CAMTA1: variants seen among roughly 807,000 people sequenced by gnomAD.
CAMTA1 encodes the protein calmodulin binding transcription activator 1, also known as calmodulin-binding transcription activator 1.
A neutral mutation model predicts 170.9 loss-of-function variants in CAMTA1; 27 were observed. The observed-to-expected ratio is 0.16, with a 90% confidence interval of 0.12 to 0.22. The LOEUF (loss-of-function observed/expected upper bound fraction) is 0.22, where lower values mean the gene tolerates loss of function less well. Ranked by LOEUF, CAMTA1 falls within the 10% of genes least tolerant of loss-of-function variation. CAMTA1 has a pLI of 1.00. For synonymous variants in CAMTA1, 833 were observed against 891.5 expected, an observed-to-expected ratio of 0.93 and a Z score of 1.17; for missense variants, 1,619 against 2,217.2, an observed-to-expected ratio of 0.73 and a Z score of 5.42.
At chr1:7,517,329 A>G (rs2094300075) in intron 6 of CAMTA1, among the ~76,000 whole-genome samples, 1 of 152,142 alleles carries the variant, frequency 6.6e-6, no homozygotes, top group East Asian at 1.9e-4. Flanking sequence ...GTCACAGGGG[A>G]ACCTCACAGG....
At chr1:7,478,321 A>G (rs1319836299) in intron 6 of CAMTA1, among the ~76,000 whole-genome samples, 1 of 152,166 alleles carries the variant, frequency 6.6e-6, no homozygotes, top group Admixed American at 6.5e-5. Flanking sequence ...CTCAGGCGGG[A>G]ATCTGGTGTC....
chr1:7,663,824 A>G lies in CAMTA1; in HGVS notation c.1277A>G (p.Asp426Gly), dbSNP rs774923440. ...AGPNHHLLSP[D>G]ASQGLVLAVS... The stretch of plus-strand genomic sequence containing the variant: ...CCCAACCACCACCTCCTCTCACCTG[A>G]CGCCTCTCAGGGCCTCGTCCTGGCC... Residue 426 changes from aspartate to glycine, a missense_variant, in exon 9 of 23, where the codon GAC becomes GGC. This residue lies in a region of CAMTA1 where 731 missense variants were observed against 907.6 expected (regional missense o/e 0.81). Transcript: ENST00000303635. The G allele has an allele frequency of 1.9e-6, 3 of 1,613,848 alleles. No individual in the cohort carries two copies. In the Admixed American group the frequency reaches 5.0e-5, roughly 27 times the overall value.
chr1:7,359,013 G>T (rs1329129235), intron 5 of CAMTA1, among the ~76,000 whole-genome samples: 1 of 152,174 alleles, frequency 6.6e-6, no homozygotes, highest in East Asian at 1.9e-4. Flanking sequence ...CACACTGGGA[G>T]GTAGGAGCCT....
intron 18 of CAMTA1, among the ~76,000 whole-genome samples, chr1:7,746,621 AGAACAAT>A (rs1424358963): frequency 2.6e-5 from 4 of 152,314 alleles, no homozygotes; most frequent in African/African-American, 9.6e-5. Context: ...TTTCCGGCAC[AGAACAAT>A]GCTGATTTTT....
chr1:7,072,621 A>G (rs930763081), intron 3 of CAMTA1, among the ~76,000 whole-genome samples: 8 of 152,210 alleles, frequency 5.3e-5, no homozygotes, highest in Non-Finnish European at 1.0e-4. Flanking sequence ...CTGTGGAGAA[A>G]AAAGAAAGTG....
intron 4 of CAMTA1, among the ~76,000 whole-genome samples, chr1:7,134,172 TA>T (rs1322624592): frequency 6.6e-6 from 1 of 152,270 alleles, no homozygotes; most frequent in Admixed American, 6.5e-5. Context: ...GTTCCTGCAT[TA>T]ATTCACATAG....
chr1:7,676,751 C>T (rs59179244), intron 10 of CAMTA1, among the ~76,000 whole-genome samples: 2,025 of 152,352 alleles, frequency 0.013, 34 homozygotes, highest in African/African-American at 0.045. Flanking sequence ...TGCACACCCA[C>T]CATTGCCCAC....
At chr1:6,993,168 T>C (rs1696662613) in intron 3 of CAMTA1, among the ~76,000 whole-genome samples, 1 of 152,214 alleles carries the variant, frequency 6.6e-6, no homozygotes, top group Non-Finnish European at 1.5e-5. Flanking sequence ...CCAACTTTAC[T>C]TTTTCAAAAT....
chr1:7,401,528 A>G (rs1473075006), intron 5 of CAMTA1, among the ~76,000 whole-genome samples: 1 of 152,214 alleles, frequency 6.6e-6, no homozygotes, highest in Non-Finnish European at 1.5e-5. Flanking sequence ...TTCTAAAAAA[A>G]AAAATCCTTC....
intron 6 of CAMTA1, among the ~76,000 whole-genome samples, chr1:7,524,689 C>G (rs1200038329): frequency 1.3e-5 from 2 of 152,254 alleles, no homozygotes; most frequent in East Asian, 3.9e-4. Context: ...ATTTGTTAAA[C>G]TTTGCTGCCC....
At chr1:7,127,724 A>G in intron 4 of CAMTA1, among the ~76,000 whole-genome samples, 1 of 152,272 alleles carries the variant, frequency 6.6e-6, no homozygotes, top group Non-Finnish European at 1.5e-5. Context: ...ATTAATTCCA[A>G]GTGTGATAGA....
intron 10 of CAMTA1, among the ~76,000 whole-genome samples, chr1:7,672,619 A>G (rs1208642043): frequency 6.6e-6 from 1 of 151,908 alleles, no homozygotes; most frequent in Non-Finnish European, 1.5e-5. Context: ...ATGGAGTTTC[A>G]CCATGTTGGC....
chr1:7,615,363 A>G (rs896841451), intron 6 of CAMTA1, among the ~76,000 whole-genome samples: 4 of 152,214 alleles, frequency 2.6e-5, no homozygotes, highest in Non-Finnish European at 5.9e-5. Context: ...ACAAACAGGA[A>G]GTATATATAT....
chr1:7,516,991 C>G (rs2094295901), intron 6 of CAMTA1, among the ~76,000 whole-genome samples: 1 of 152,162 alleles, frequency 6.6e-6, no homozygotes. Context: ...ATCCCACCTT[C>G]CAAAGATAGT....
At chr1:7,343,417 C>G (rs1468657035) in intron 5 of CAMTA1, among the ~76,000 whole-genome samples, 2 of 152,176 alleles carry the variant, frequency 1.3e-5, no homozygotes, top group African/African-American at 2.4e-5. Flanking sequence ...TGGGCTGGAA[C>G]CTCCATTATC....
At position 6,861,954 on chromosome 1, in the gene CAMTA1, T is replaced by C. The variant is rs940178371; in HGVS notation, c.234+36744T>C. Among the ~76,000 whole-genome samples the C allele has an allele frequency of 2.6e-5, 4 of 151,848 alleles. No homozygotes were observed. The South Asian group carries it at 8.3e-4, about 32-fold the overall frequency. On this transcript the variant is annotated intron_variant, in intron 3 of 22. Transcript: ENST00000303635. Reference sequence around the variant, plus strand: ...AAGTACCTCATAAAGTGAAGTCATATAGTATTTGTCTTTTTTTTTTTTTTT... The same window carrying C: ...AAGTACCTCATAAAGTGAAGTCATACAGTATTTGTCTTTTTTTTTTTTTTT...
At chr1:7,511,085 C>T (rs958014316) in intron 6 of CAMTA1, among the ~76,000 whole-genome samples, 4 of 145,826 alleles carry the variant, frequency 2.7e-5, no homozygotes, top group Non-Finnish European at 6.1e-5. Context: ...AGAAACTCAG[C>T]ACCTGCTACT....
chr1:7,370,914 C>CTTTCTTTT (rs763145705), intron 5 of CAMTA1, among the ~76,000 whole-genome samples: 1 of 110,010 alleles, frequency 9.1e-6, no homozygotes, highest in Non-Finnish European at 1.7e-5. Context: ...TTCTTTCTTT[C>CTTTCTTTT]TTTTTTTTTT....
At chr1:6,837,018 A>G (rs1001720917) in intron 3 of CAMTA1, among the ~76,000 whole-genome samples, 2 of 151,424 alleles carry the variant, frequency 1.3e-5, no homozygotes, top group African/African-American at 4.9e-5. Flanking sequence ...GCTCACTGCA[A>G]TCTCCGCTCA....
Sources: gnomAD v4.1 joint callset for allele counts (sites outside exome capture counted in the v4.1 genomes callset) on GRCh38, gnomAD v4.1.1 for gene constraint, gnomAD v4.1.1 regional missense constraint, MANE v1.5 for transcripts, NCBI Gene and HGNC (gene_info 2026-07-23, HGNC 2026-07-21) for gene names.